FOXN3: variants seen among roughly 807,000 people sequenced by gnomAD.
FOXN3 encodes the protein forkhead box protein N3.
FOXN3 carries 7 observed loss-of-function variants against 38.4 expected under a neutral mutation model. The ratio of observed to expected loss-of-function variants is 0.18; its 90% CI spans 0.10 to 0.34. FOXN3 has a LOEUF of 0.34. FOXN3 is among the 10% of genes least tolerant of loss of function. FOXN3 has a pLI of 1.00. For missense variants in FOXN3, 456 were observed against 613.4 expected, an observed-to-expected ratio of 0.74 and a Z score of 2.71; for synonymous variants, 230 against 242.2, an observed-to-expected ratio of 0.95 and a Z score of 0.47.
At chr14:89,549,690 C>A (rs1596314521) in intron 1 of FOXN3, among the ~76,000 whole-genome samples, 1 of 152,200 alleles carries the variant, frequency 6.6e-6, no homozygotes, top group African/African-American at 2.4e-5. Flanking sequence ...GTTCAAACAT[C>A]CATAACAGAA....
intron 1 of FOXN3, among the ~76,000 whole-genome samples, chr14:89,498,125 GTATTCTGGA>G (rs142020221): frequency 0.04 from 6,064 of 150,578 alleles, 147 homozygotes; most frequent in African/African-American, 0.062. Flanking sequence ...AGTTCTCTAG[GTATTCTGGA>G]TATTTATCCC....
intron 1 of FOXN3, among the ~76,000 whole-genome samples, chr14:89,425,944 T>C (rs1489932921): frequency 2.0e-5 from 3 of 152,192 alleles, no homozygotes; most frequent in African/African-American, 7.2e-5. Flanking sequence ...ATGACGCTTA[T>C]CTAATACACA....
At chr14:89,309,000 C>T (rs1887455924) in intron 3 of FOXN3, among the ~76,000 whole-genome samples, 1 of 152,118 alleles carries the variant, frequency 6.6e-6, no homozygotes. Context: ...GAGGCCTGGC[C>T]GCACGGTGGT....
chr14:89,484,539 A>G lies in FOXN3; in HGVS notation c.-14-72049T>C, dbSNP rs1893406105. Reference sequence around the variant, plus strand: ...AAAATGTGAAAACCATTCTTAGTACATTGGCGATGCACAGACAGGCGGCAG... The same window carrying G: ...AAAATGTGAAAACCATTCTTAGTACGTTGGCGATGCACAGACAGGCGGCAG... On this transcript the variant is annotated intron_variant, in intron 1 of 6. Coordinates refer to the FOXN3 transcript ENST00000345097. The surrounding 1 kb of genome is among the most constrained non-coding windows in gnomAD (Gnocchi z 4.0). Among the ~76,000 whole-genome samples the G allele has an allele frequency of 6.6e-6, 1 of 152,226 alleles. No homozygotes were observed. The highest frequency in any genetic ancestry group is 1.5e-5 in the Non-Finnish European group (1 of 68,032).
At chr14:89,334,830 C>T (rs1317177238) in intron 3 of FOXN3, among the ~76,000 whole-genome samples, 5 of 151,962 alleles carry the variant, frequency 3.3e-5, no homozygotes, top group Admixed American at 6.6e-5. Context: ...TGCAATGGTG[C>T]GATCTCAGCT....
At chr14:89,339,922 G>A (rs1888567384) in intron 3 of FOXN3, among the ~76,000 whole-genome samples, 1 of 152,190 alleles carries the variant, frequency 6.6e-6, no homozygotes, top group Non-Finnish European at 1.5e-5. Context: ...GAAATCTCTT[G>A]ATGTGTTTCT....
intron 1 of FOXN3, among the ~76,000 whole-genome samples, chr14:89,435,105 G>C (rs1027611369): frequency 1.3e-5 from 2 of 152,188 alleles, no homozygotes; most frequent in African/African-American, 4.8e-5. Flanking sequence ...CCTGGGGCCA[G>C]ACACAGTGGC....
At chr14:89,250,166 A>C (rs1447713934) in intron 4 of FOXN3, among the ~76,000 whole-genome samples, 1 of 152,248 alleles carries the variant, frequency 6.6e-6, no homozygotes, top group Non-Finnish European at 1.5e-5. Flanking sequence ...GCTGAAGTAC[A>C]GTGGTGCAAT....
chr14:89,264,585 CT>C (rs1885913138), intron 4 of FOXN3, among the ~76,000 whole-genome samples: 1 of 152,134 alleles, frequency 6.6e-6, no homozygotes, highest in Non-Finnish European at 1.5e-5. Flanking sequence ...GTATACTGTC[CT>C]TGGCTGGGGC....
At chr14:89,311,182 G>A (rs968405805) in intron 3 of FOXN3, among the ~76,000 whole-genome samples, 1 of 142,418 alleles carries the variant, frequency 7.0e-6, no homozygotes, top group African/African-American at 2.6e-5. Context: ...AAAATACCTT[G>A]TATCTTTTAA....
rs372585967 is a variant in FOXN3 at position 89,511,246 on chromosome 14, CTT to C, written c.-14-98758_-14-98757del. 6.7e-3 allele frequency among the ~76,000 whole-genome samples: 94 copies of C among 13,966 alleles called. 22 individuals are homozygous for C. Among genetic ancestry groups the C allele is most frequent in the Middle Eastern group, 0.091 (2 of 22 alleles). 9.2% of individuals were successfully genotyped at this position (13,966 alleles called of 152,430 possible). ...TTCTTTCTTTTCTTTCCTTTTCTTT[CTT>C]TTCTTTCTTTCTTTCTTTCTTTCTT... On this transcript the variant is annotated intron_variant, in intron 1 of 6. Coordinates refer to the FOXN3 transcript ENST00000345097.
At chr14:89,452,946 C>T (rs1892642101) in intron 1 of FOXN3, among the ~76,000 whole-genome samples, 1 of 152,208 alleles carries the variant, frequency 6.6e-6, no homozygotes. Flanking sequence ...CGCCAGTAAT[C>T]CCAGCACTTT....
intron 1 of FOXN3, among the ~76,000 whole-genome samples, chr14:89,457,962 G>GGAGGTTGCAGTGAGCC (rs1566662840): frequency 2.0e-5 from 3 of 150,996 alleles, no homozygotes; most frequent in Non-Finnish European, 4.4e-5. Flanking sequence ...TGCAGTGAGC[G>GGAGGTTGCAGTGAGCC]GAGGTTGCAG....
chr14:89,505,714 G>A (rs947032923), intron 1 of FOXN3, among the ~76,000 whole-genome samples: 1 of 151,994 alleles, frequency 6.6e-6, no homozygotes, highest in Non-Finnish European at 1.5e-5. Context: ...GGGAAGTGAG[G>A]AGCGTCTCTG....
chr14:89,603,986 A>G lies in FOXN3; in HGVS notation c.-15+15042T>C, dbSNP rs143932123. Among the ~76,000 whole-genome samples, 1,207 of 152,334 alleles carry G rather than the reference A, an allele frequency of 7.9e-3. 16 individuals are homozygous for G. Among genetic ancestry groups the G allele is most frequent in the African/African-American group, 0.027 (1,125 of 41,568 alleles). On this transcript the variant is annotated intron_variant, in intron 1 of 6. Transcript: ENST00000345097. ...GGAAAAGTCTTTACTAAAAATGTGT[A>G]ACCACAAGGTAATCCTCACAGGGGT...
intron 1 of FOXN3, among the ~76,000 whole-genome samples, chr14:89,490,026 C>T (rs757428906): frequency 1.3e-5 from 2 of 152,212 alleles, no homozygotes; most frequent in African/African-American, 2.4e-5. Context: ...AAAGTTGCAG[C>T]CACATTCCCC....
chr14:89,440,823 G>C (rs991172600), intron 1 of FOXN3, among the ~76,000 whole-genome samples: 1 of 152,192 alleles, frequency 6.6e-6, no homozygotes, highest in African/African-American at 2.4e-5. Context: ...AAAGCAGTGC[G>C]TTCAACCCCT....
intron 1 of FOXN3, among the ~76,000 whole-genome samples, chr14:89,546,965 A>G (rs2139857095): frequency 6.6e-6 from 1 of 151,920 alleles, no homozygotes; most frequent in South Asian, 2.1e-4. Context: ...TTGTATTTTT[A>G]GTAGAGACGG....
chr14:89,475,737 CA>C (rs1254261503), intron 1 of FOXN3, among the ~76,000 whole-genome samples: 6 of 152,180 alleles, frequency 3.9e-5, no homozygotes, highest in African/African-American at 1.4e-4. Context: ...TGTGCCATTC[CA>C]TAAAAGAGCA....
Sources: gnomAD v4.1 joint callset for allele counts (sites outside exome capture counted in the v4.1 genomes callset) on GRCh38, gnomAD v4.1.1 for gene constraint, Gnocchi (gnomAD v3.1) non-coding constraint, MANE v1.5 for transcripts, NCBI Gene and HGNC (gene_info 2026-07-23, HGNC 2026-07-21) for gene names.